Variants in MICALL2 observed in about 807,000 individuals in gnomAD.
MICALL2 encodes the protein MICAL-like protein 2.
Under a neutral mutation model 91.1 loss-of-function variants are expected in MICALL2, and 111 were observed. That is an observed-to-expected ratio of 1.22 (90% CI 1.04 to 1.43). The LOEUF (loss-of-function observed/expected upper bound fraction) is 1.43. Among genes scored for constraint, MICALL2 ranks in the 40% most tolerant of loss-of-function variants. MICALL2 has a pLI of 0.00. For synonymous variants in MICALL2, 694 were observed against 525.3 expected (o/e 1.32, Z -4.39); for missense variants, 1,556 against 1,236.0 (o/e 1.26, Z -3.88).
At chr7:1,439,318 A>C in intron 9 of MICALL2, 3 of 335,274 alleles carry the variant, frequency 8.9e-6, no homozygotes, top group Non-Finnish European at 1.7e-5. Context: ...CGCATCACAC[A>C]CGAACACGGG....
chr7:1,450,636 C>T (rs922326935), intron 1 of MICALL2: 3 of 237,876 alleles, frequency 1.3e-5, no homozygotes, highest in Admixed American at 4.9e-5. Flanking sequence ...CAGCTCAGCT[C>T]GGAGGGGGCT....
At position 1,452,824 on chromosome 7, in the gene MICALL2, T is replaced by C. The variant is rs991683932; in HGVS notation, c.144-2536A>G. ...GAGGTTCAAGCTGCATTCGGGGCGT[T>C]TGAGGCCTATTCAACTGGGCTGCAC... On this transcript the variant is annotated intron_variant, in intron 1 of 16. Coordinates refer to ENST00000297508, the MANE Select transcript of MICALL2 (RefSeq NM_182924.4). The surrounding 1 kb of genome is among the most constrained non-coding windows in gnomAD (Gnocchi z 6.2). 1.4e-4 allele frequency among the ~76,000 whole-genome samples: 22 copies of C among 152,066 alleles called. No individual in the cohort carries two copies. Among genetic ancestry groups the C allele is most frequent in the African/African-American group, 4.8e-4 (20 of 41,392 alleles).
intron 15 of MICALL2, 54 bp from the exon 16 acceptor site, chr7:1,435,201 G>C: frequency 6.3e-7 from 1 of 1,591,152 alleles, no homozygotes; most frequent in Non-Finnish European, 8.6e-7. Flanking sequence ...AGGTGCCCTG[G>C]AGGGGCCTCC....
rs372616577 is a variant in MICALL2 at position 1,452,456 on chromosome 7, C to G, written c.144-2168G>C. Among the ~76,000 whole-genome samples the G allele has an allele frequency of 3.9e-5, 6 of 152,160 alleles. No individual in the cohort carries two copies. In the South Asian group the frequency reaches 6.2e-4, roughly 16 times the overall value. On this transcript the variant is annotated intron_variant, in intron 1 of 16. Coordinates refer to ENST00000297508, the MANE Select transcript of MICALL2 (RefSeq NM_182924.4). This position sits in a 1 kb window ranked among gnomAD's most constrained non-coding sequence, Gnocchi z 6.2. ...CCCCGCCCCCAGCCCTTTGAAAGCT[C>G]AAGCTCTTCTGCAGACCTTCCCTAG...
chr7:1,442,914 C>T (rs1033143498), intron 6 of MICALL2, among the ~76,000 whole-genome samples: 1 of 152,114 alleles, frequency 6.6e-6, no homozygotes, highest in African/African-American at 2.4e-5. Context: ...CAGGTTCAGT[C>T]CCATGTGACA....
Position 1,437,627 on chromosome 7 carries a change from T to C in MICALL2, c.2403-19A>G. ...CTTGGACCTGCCGCACAGACACGCG[T>C]CTGAGGCCTGACTCTGCCGCCCTGT... is the stretch of plus-strand genomic sequence containing the variant. On this transcript the variant is annotated intron_variant, in intron 13 of 16. Transcript: ENST00000297508. 2.0e-6 allele frequency: 3 copies of C among 1,538,028 alleles called. No individual in the cohort carries two copies. The highest frequency in any genetic ancestry group is 3.9e-5 in the Admixed American group (2 of 50,944).
In MICALL2 at chr7:1,435,117, G is replaced by A; in HGVS notation, c.2622C>T (p.Asp874=). Residue 874 remains aspartate (D), a synonymous_variant, in exon 16 of 17, where the codon GAC becomes GAT. Transcript: ENST00000297508. ...REQEEDQMLR[D]MIEKLGLQRK... is the part of the protein sequence containing the mutation. ...CCCAGTCACCCAGCTTCTCAATCAT[G>A]TCCCGCAGCATCTGATCCTCCTCTT... The A allele has an allele frequency of 6.2e-7, 1 of 1,613,520 alleles. No individual in the cohort carries two copies. The highest frequency in any genetic ancestry group is 8.5e-7 in the Non-Finnish European group (1 of 1,179,960).
In MICALL2 at chr7:1,436,763, G is replaced by C; in HGVS notation, c.2570C>G (p.Ser857Trp). The C allele has an allele frequency of 6.2e-7, 1 of 1,607,276 alleles. No individual in the cohort carries two copies. The highest frequency in any genetic ancestry group is 8.5e-7 in the Non-Finnish European group (1 of 1,178,000). ...TCACCGGAGCCGGTCCTCGTCCAGC[G>C]AGTCCACGATGTCACTGCGGTCGTT... The part of the protein sequence containing the change: ...TVNDRSDIVD[S>W]LDEDRLREQE... Residue 857 changes from serine (S) to tryptophan (W), a missense_variant, in exon 15 of 17, where the codon TCG becomes TGG. Transcript: ENST00000297508.
Position 1,436,842 on chromosome 7 carries a change from G to C in MICALL2, c.2491C>G (p.Leu831Val), listed in dbSNP as rs1562444892. Residue 831 changes from leucine (L) to valine (V), a missense_variant, in exon 15 of 17, where the codon CTG (leucine) becomes GTG (valine). Physicochemically the swap from Leu to Val is conservative, Grantham distance 32. Transcript: ENST00000297508. ...TCCTGCTCCCGCCGCCGCTCCTGCA[G>C]TGACTTCAGAGCCTCTGTGGGGATG... is the stretch of plus-strand genomic sequence containing the variant. ...LMAKPEALKS[L>V]QERRREQELL... 6.2e-7 allele frequency: 1 copy of C among 1,600,092 alleles called. No individual in the cohort carries two copies. The highest frequency in any genetic ancestry group is 1.3e-5 in the African/African-American group (1 of 74,280).
intron 3 of MICALL2, among the ~76,000 whole-genome samples, chr7:1,448,241 A>C (rs1780682445): frequency 6.6e-6 from 1 of 152,248 alleles, no homozygotes; most frequent in South Asian, 2.1e-4. Context: ...TGGTCAGCCA[A>C]GCCACCCCAG....
intron 1 of MICALL2, among the ~76,000 whole-genome samples, chr7:1,453,823 G>A (rs1278662250): frequency 6.6e-6 from 1 of 152,244 alleles, no homozygotes; most frequent in African/African-American, 2.4e-5. Context: ...CAGGCACACA[G>A]TCGGTGCCCT....
At chr7:1,454,358 G>A (rs1780938367) in intron 1 of MICALL2, among the ~76,000 whole-genome samples, 1 of 151,782 alleles carries the variant, frequency 6.6e-6, no homozygotes. Context: ...GAGAGACAGG[G>A]ACCAGATGGC....
intron 5 of MICALL2, among the ~76,000 whole-genome samples, chr7:1,446,253 A>G (rs1258188960): frequency 7.1e-4 from 5 of 7,076 alleles, no homozygotes; most frequent in African/African-American, 2.8e-3. Flanking sequence ...GGGAGGAGGG[A>G]GAGGAGGGGG....
At chr7:1,439,537 A>C (rs1021465568) in intron 9 of MICALL2, 3 of 208,036 alleles carry the variant, frequency 1.4e-5, no homozygotes, top group Non-Finnish European at 2.8e-5. Flanking sequence ...AGACACATGG[A>C]CACGCATCAC....
chr7:1,445,392 G>A lies in MICALL2; in HGVS notation c.678C>T (p.Ala226=), dbSNP rs894100961. 6.4e-7 allele frequency: 1 copy of A among 1,572,758 alleles called. No individual in the cohort carries two copies. The highest frequency in any genetic ancestry group is 2.3e-5 in the East Asian group (1 of 43,148). The stretch of plus-strand genomic sequence containing the variant: ...TGCCCGGCTCTCCTGTGGCCTTGTA[G>A]GCCCCCGAGTGCAGCGTGCAGGAGC... ...KQCSCTLHSG[A]YKATGEPGTF... is the part of the protein sequence containing the mutation. The change falls in exon 6 of 17, where the codon GCC becomes GCT. Residue 226 remains alanine, a synonymous_variant. Coordinates refer to ENST00000297508, the MANE Select transcript of MICALL2 (RefSeq NM_182924.4).
intron 16 of MICALL2, 41 bp from the exon 17 acceptor site, chr7:1,434,713 A>G (rs1007808678): frequency 2.7e-6 from 4 of 1,508,496 alleles, no homozygotes; most frequent in African/African-American, 1.4e-5. Context: ...TCAACGCCGC[A>G]GCCGCACAGC....
chr7:1,451,557 T>A lies in MICALL2; in HGVS notation c.144-1269A>T, dbSNP rs1192272089. 1.3e-5 allele frequency among the ~76,000 whole-genome samples: 2 copies of A among 152,074 alleles called. No individual in the cohort carries two copies. Among genetic ancestry groups the A allele is most frequent in the Non-Finnish European group, 2.9e-5 (2 of 68,012 alleles). On this transcript the variant is annotated intron_variant, in intron 1 of 16. Transcript: ENST00000297508. This position sits in a 1 kb window ranked among gnomAD's most constrained non-coding sequence, Gnocchi z 4.5. ...TCTGTCCACGTTGCTGCCTGTGGGG[T>A]CCCGGACAGCAGCTGCTGCCATGTC...
At position 1,444,977 on chromosome 7, in the gene MICALL2, G is replaced by T; in HGVS notation, c.1093C>A (p.Pro365Thr). Reference sequence around the variant, plus strand: ...GGGCGAGGGTCTGGGGCACTCGGGGGCACGGCGGGATGGGAGGCAGCCGCT... The same window carrying T: ...GGGCGAGGGTCTGGGGCACTCGGGGTCACGGCGGGATGGGAGGCAGCCGCT... The part of the protein sequence containing the change: ...TAAAASHPAV[P>T]PSAPDPRPAT... Residue 365 changes from proline to threonine, a missense_variant, in exon 6 of 17, where the codon CCC (proline) becomes ACC (threonine). Transcript: ENST00000297508. 6.6e-7 allele frequency: 1 copy of T among 1,505,940 alleles called. No individual in the cohort carries two copies. The allele number at this position is 1,505,940 out of a possible 1,614,324, so 93.3% of individuals were successfully genotyped here.
chr7:1,437,948 A>G lies in MICALL2; in HGVS notation c.2344T>C (p.Phe782Leu). ...AGCTGCTTCTCGTGAATGAGCCAGAACCAGTCCACCATGAGGCTATCCTCA... is the reference window on the plus strand; with the variant it reads ...AGCTGCTTCTCGTGAATGAGCCAGAGCCAGTCCACCATGAGGCTATCCTCA... ...DAEDSLMVDW[F>L]WLIHEKQLLL... The change falls in exon 13 of 17, where the codon TTC (phenylalanine) becomes CTC (leucine). Residue 782 changes from phenylalanine (F) to leucine (L), a missense_variant. Transcript: ENST00000297508. 1 of 1,549,922 alleles carries G rather than the reference A, an allele frequency of 6.5e-7. No homozygotes were observed. The highest frequency in any genetic ancestry group is 1.2e-5 in the South Asian group (1 of 84,040).
Sources: gnomAD v4.1 joint callset for allele counts (sites outside exome capture counted in the v4.1 genomes callset) on GRCh38, gnomAD v4.1.1 for gene constraint, Gnocchi (gnomAD v3.1) non-coding constraint, MANE v1.5 for transcripts, NCBI Gene and HGNC (gene_info 2026-07-23, HGNC 2026-07-21) for gene names.